The following CPB1 variants were observed in gnomAD, a reference collection of about 807,000 sequenced individuals.
CPB1 encodes carboxypeptidase B.
A neutral mutation model predicts 51.4 loss-of-function variants in CPB1; 53 were observed. The ratio of observed to expected loss-of-function variants is 1.03; its 90% confidence interval spans 0.83 to 1.30. The LOEUF (loss-of-function observed/expected upper bound fraction) is 1.30. Among genes scored for constraint, CPB1 ranks in the 50% most tolerant of loss-of-function variants. The pLI is 0.00. For missense variants in CPB1, 494 were observed against 516.2 expected (o/e 0.96, Z 0.42); for synonymous variants, 189 against 186.9 (o/e 1.01, Z -0.09).
intron 2 of CPB1, among the ~76,000 whole-genome samples, chr3:148,831,530 T>G (rs967547931): frequency 6.6e-6 from 1 of 152,208 alleles, no homozygotes; most frequent in Non-Finnish European, 1.5e-5. Flanking sequence ...TGGCCAATCT[T>G]ATTCCTGGAA....
intron 10 of CPB1, 45 bp downstream of exon 10, chr3:148,857,586 A>C: frequency 1.4e-6 from 2 of 1,454,176 alleles, no homozygotes; most frequent in Non-Finnish European, 1.9e-6. Flanking sequence ...TGTGCCTAAA[A>C]AGCCAACGAA....
In CPB1 at chr3:148,860,083, G is replaced by A; in HGVS notation, c.*81G>A. 7.1e-7 allele frequency: 1 copy of A among 1,414,258 alleles called. No individual in the cohort carries two copies. The highest frequency in any genetic ancestry group is 9.7e-7 in the Non-Finnish European group (1 of 1,030,306). The allele number at this position is 1,414,258 out of a possible 1,614,324, so 87.6% of individuals were successfully genotyped here. ...TTGAATTCTTATTTTGGTTTGCCTG[G>A]ATGTTTTGCAGATCCCAATCTTTCT... On this transcript the variant is annotated 3_prime_UTR_variant, in exon 11 of 11. Coordinates refer to ENST00000282957, the MANE Select transcript of CPB1 (RefSeq NM_001871.3).
chr3:148,844,426 A>G, intron 6 of CPB1, 52 bp from the exon 7 acceptor site: 1 of 1,349,784 alleles, frequency 7.4e-7, no homozygotes, highest in Non-Finnish European at 1.1e-6. Context: ...AAATTTTAAC[A>G]GCATCATAAT....
chr3:148,831,556 A>C (rs1712739240), intron 2 of CPB1, among the ~76,000 whole-genome samples: 1 of 152,134 alleles, frequency 6.6e-6, no homozygotes, highest in Admixed American at 6.6e-5. Context: ...TCAGGTTGGC[A>C]TGCTACTTTA....
intron 3 of CPB1, among the ~76,000 whole-genome samples, chr3:148,837,371 C>T (rs1319149170): frequency 1.3e-5 from 2 of 151,814 alleles, no homozygotes; most frequent in African/African-American, 4.8e-5. Context: ...ATTCTATTTT[C>T]CAGAAATCTG....
At chr3:148,839,257 A>G (rs1713002835) in intron 3 of CPB1, among the ~76,000 whole-genome samples, 1 of 152,176 alleles carries the variant, frequency 6.6e-6, no homozygotes, top group African/African-American at 2.4e-5. Context: ...AGAACTAGAA[A>G]GGGCAAGGAA....
intron 9 of CPB1, chr3:148,851,269 AG>A (rs1232381544): frequency 7.1e-6 from 1 of 141,496 alleles, no homozygotes; most frequent in African/African-American, 2.6e-5. Context: ...CAGGAGGCAG[AG>A]GTTGCAGTGA....
intron 9 of CPB1, chr3:148,856,741 A>G (rs970515175): frequency 2.6e-5 from 4 of 152,226 alleles, no homozygotes; most frequent in Non-Finnish European, 4.4e-5. Flanking sequence ...CTGGAGGGCA[A>G]TGGTTCTTAT....
At chr3:148,834,700 G>A in intron 3 of CPB1, 78 bp downstream of exon 3, 5 of 1,408,196 alleles carry the variant, frequency 3.6e-6, no homozygotes, top group Non-Finnish European at 4.9e-6. Context: ...CTCTGGGAAG[G>A]AAGAAATGAG....
chr3:148,836,395 G>A (rs1712902275), intron 3 of CPB1, among the ~76,000 whole-genome samples: 1 of 152,208 alleles, frequency 6.6e-6, no homozygotes, highest in Non-Finnish European at 1.5e-5. Context: ...CTAGTCCTTG[G>A]AGCCTTCAGT....
chr3:148,831,166 G>T (rs186966256), intron 2 of CPB1, among the ~76,000 whole-genome samples: 2 of 152,276 alleles, frequency 1.3e-5, no homozygotes, highest in East Asian at 3.9e-4. Flanking sequence ...TCAGGGTTGT[G>T]CTTGTTCCTT....
At position 148,840,742 on chromosome 3, in the gene CPB1, G is replaced by A. The variant is rs987826728; in HGVS notation, c.329G>A (p.Arg110His). ...VVEAQFDSRV[R>H]ATGHSYEKYN... is the part of the protein sequence containing the mutation. ...GAGGCTCAGTTTGATAGCCGGGTTCGTGCAACAGGACACAGTTATGAGAAG... is the reference window on the plus strand; with the variant it reads ...GAGGCTCAGTTTGATAGCCGGGTTCATGCAACAGGACACAGTTATGAGAAG... Residue 110 changes from arginine to histidine, a missense_variant, in exon 4 of 11, where the codon CGT becomes CAT. Arg to His is a conservative substitution (Grantham distance 29). Coordinates refer to ENST00000282957, the MANE Select transcript of CPB1 (RefSeq NM_001871.3). 79 of 1,614,002 alleles carry A rather than the reference G, an allele frequency of 4.9e-5. No individual in the cohort carries two copies. The Admixed American group carries it at 8.0e-4, about 16-fold the overall frequency.
chr3:148,856,631 C>T (rs374065155), intron 9 of CPB1: 2 of 152,260 alleles, frequency 1.3e-5, no homozygotes, highest in African/African-American at 4.8e-5. Context: ...CCAGGCCTTG[C>T]TTCTCAAGTG....
rs555507433 is a variant in CPB1, at chr3:148,829,593, G to A, written c.147+1516G>A. On this transcript the variant is annotated intron_variant, in intron 2 of 10. Coordinates refer to ENST00000282957, the MANE Select transcript of CPB1 (RefSeq NM_001871.3). ...CTTTTAAGATTTATCTTGACAGCCT[G>A]TTTTCAGCATGTTGAGATCTTTTAG... Among the ~76,000 whole-genome samples, 19 of 152,248 alleles carry A rather than the reference G, an allele frequency of 1.2e-4. No individual in the cohort carries two copies. In the South Asian group the frequency reaches 3.9e-3, roughly 32 times the overall value.
chr3:148,841,759 G>A (rs578207825), intron 5 of CPB1, 64 bp from the exon 6 acceptor site: 130 of 1,326,240 alleles, frequency 9.8e-5, no homozygotes, highest in Non-Finnish European at 1.3e-4. Flanking sequence ...GATGGGTAGT[G>A]GAGGTTAACC....
At chr3:148,834,335 T>C (rs1712827843) in intron 2 of CPB1, among the ~76,000 whole-genome samples, 163 bp from the exon 3 acceptor site, 1 of 152,242 alleles carries the variant, frequency 6.6e-6, no homozygotes, top group South Asian at 2.1e-4. Context: ...AACATCTAAC[T>C]GCTTGGTTCC....
At chr3:148,831,460 C>G (rs1474504801) in intron 2 of CPB1, among the ~76,000 whole-genome samples, 2 of 152,118 alleles carry the variant, frequency 1.3e-5, no homozygotes, top group African/African-American at 4.8e-5. Flanking sequence ...TGTGAAGAAA[C>G]AAATTCATGC....
intron 2 of CPB1, among the ~76,000 whole-genome samples, chr3:148,830,551 T>C (rs1267064811): frequency 6.6e-6 from 1 of 152,236 alleles, no homozygotes; most frequent in Non-Finnish European, 1.5e-5. Context: ...AAGAATTATA[T>C]GTGTTTGCTG....
At chr3:148,833,830 A>G (rs1192645370) in intron 2 of CPB1, among the ~76,000 whole-genome samples, 2 of 152,214 alleles carry the variant, frequency 1.3e-5, no homozygotes, top group East Asian at 3.9e-4. Context: ...CCACTAATGT[A>G]TTCCTAGTCT....
Sources: gnomAD v4.1 joint callset for allele counts (sites outside exome capture counted in the v4.1 genomes callset) on GRCh38, gnomAD v4.1.1 for gene constraint, MANE v1.5 for transcripts, NCBI Gene and HGNC (gene_info 2026-07-23, HGNC 2026-07-21) for gene names.